SEC24D: variants seen among roughly 807,000 people sequenced by gnomAD.
SEC24D encodes the protein SEC24 homolog D, COPII component.
Under a neutral mutation model 116.9 loss-of-function variants are expected in SEC24D, and 69 were observed. That is an observed-to-expected ratio of 0.59 (90% CI 0.49 to 0.72). The LOEUF is 0.72. SEC24D is among the 30% of genes least tolerant of loss of function. The pLI is 0.00. For missense variants in SEC24D, 1,131 were observed against 1,264.1 expected (o/e 0.89, Z 1.60); for synonymous variants, 405 against 442.8 (o/e 0.91, Z 1.07).
At chr4:118,724,299 C>T (rs977242586) in intron 22 of SEC24D, among the ~76,000 whole-genome samples, 1 of 152,022 alleles carries the variant, frequency 6.6e-6, no homozygotes, top group Non-Finnish European at 1.5e-5. Flanking sequence ...AGGGAGAACT[C>T]CTGTCCTTTG....
chr4:118,748,501 T>C (rs1453641858), intron 13 of SEC24D, among the ~76,000 whole-genome samples: 2 of 152,176 alleles, frequency 1.3e-5, no homozygotes, highest in African/African-American at 4.8e-5. Flanking sequence ...AATTTATGTT[T>C]TCACCAAAGC....
intron 8 of SEC24D, among the ~76,000 whole-genome samples, chr4:118,793,423 C>T (rs11098449): frequency 0.26 from 37,582 of 144,330 alleles, 6,033 homozygotes; most frequent in East Asian, 0.45. Flanking sequence ...GCCGAGATCC[C>T]GCCACTGCAC....
In SEC24D at chr4:118,745,062, T is replaced by TAAAAAA; in HGVS notation, c.1708-8_1708-3dup. The TAAAAAA allele has an allele frequency of 8.1e-7, 1 of 1,233,794 alleles. No homozygotes were observed. The highest frequency in any genetic ancestry group is 1.1e-6 in the Non-Finnish European group (1 of 907,908). 76.4% of individuals were successfully genotyped at this position (1,233,794 alleles called of 1,614,324 possible). On this transcript the variant is annotated splice_region_variant and splice_polypyrimidine_tract_variant and intron_variant, in intron 13 of 22. Transcript: ENST00000280551. ...CAGCTTCCCAGGACAGTCTGCTGCC[T>TAAAAAA]AAAAAAAAAAAAAAACCCAAAAACC...
intron 8 of SEC24D, among the ~76,000 whole-genome samples, chr4:118,776,285 G>A (rs892151379): frequency 2.6e-5 from 4 of 152,046 alleles, no homozygotes; most frequent in Admixed American, 6.6e-5. Context: ...TAGGAGATTC[G>A]TCTCTTGGAA....
At chr4:118,821,190 C>T (rs1730386575) in intron 3 of SEC24D, among the ~76,000 whole-genome samples, 1 of 152,118 alleles carries the variant, frequency 6.6e-6, no homozygotes, top group African/African-American at 2.4e-5. Flanking sequence ...GAAGAAAAAA[C>T]AACTACTTCT....
At chr4:118,815,790 A>C in intron 4 of SEC24D, 64 bp from the exon 5 acceptor site, 1 of 1,532,572 alleles carries the variant, frequency 6.5e-7, no homozygotes, top group Non-Finnish European at 8.9e-7. Context: ...ACTTCTGCAA[A>C]GTACATGACA....
At chr4:118,725,435 G>A (rs1307992472) in intron 22 of SEC24D, among the ~76,000 whole-genome samples, 1 of 152,160 alleles carries the variant, frequency 6.6e-6, no homozygotes, top group African/African-American at 2.4e-5. Flanking sequence ...TCCATGATTG[G>A]TAGGGGCAGT....
At chr4:118,809,200 C>T in intron 6 of SEC24D, among the ~76,000 whole-genome samples, 1 of 151,974 alleles carries the variant, frequency 6.6e-6, no homozygotes, top group Non-Finnish European at 1.5e-5. Flanking sequence ...TCTCGATCTC[C>T]TGACCTCGTG....
At chr4:118,813,399 G>C (rs1730002175) in intron 6 of SEC24D, among the ~76,000 whole-genome samples, 1 of 152,212 alleles carries the variant, frequency 6.6e-6, no homozygotes, top group Non-Finnish European at 1.5e-5. Context: ...ATTTCTTATA[G>C]CTATGGAGGC....
At position 118,821,521 on chromosome 4, in the gene SEC24D, T is replaced by A. The variant is rs192188913; in HGVS notation, c.248+3099A>T. Among the ~76,000 whole-genome samples, 125 of 152,122 alleles carry A rather than the reference T, an allele frequency of 8.2e-4. No homozygotes were observed. In the East Asian group the frequency reaches 0.021, roughly 25 times the overall value. ...AAATAACTAGGTATGATTTTTAAAT[T>A]TTATAAAACATTATATTTAAAAAGC... is the stretch of plus-strand genomic sequence containing the variant. On this transcript the variant is annotated intron_variant, in intron 3 of 22. Coordinates refer to ENST00000280551, the MANE Select transcript of SEC24D (RefSeq NM_014822.4).
rs1275154344 is a variant in SEC24D at position 118,734,812 on chromosome 4, A to G, written c.2497-1900T>C. Among the ~76,000 whole-genome samples the G allele has an allele frequency of 2.0e-5, 3 of 152,296 alleles. No homozygotes were observed. In the East Asian group the frequency reaches 5.8e-4, roughly 29 times the overall value. ...TCATAAGAGTAGAACACTCTCTTCT[A>G]ATTTTTTCTCTAGCATAATATATCT... On this transcript the variant is annotated intron_variant, in intron 19 of 22. Coordinates refer to ENST00000280551, the MANE Select transcript of SEC24D (RefSeq NM_014822.4).
intron 8 of SEC24D, among the ~76,000 whole-genome samples, chr4:118,790,787 G>A (rs545208747): frequency 6.6e-6 from 1 of 150,898 alleles, no homozygotes; most frequent in East Asian, 1.9e-4. Context: ...TCAAACAATG[G>A]AACCAATTTT....
intron 7 of SEC24D, among the ~76,000 whole-genome samples, chr4:118,800,701 G>A (rs73842253): frequency 0.065 from 9,889 of 152,130 alleles, 377 homozygotes; most frequent in African/African-American, 0.094. Flanking sequence ...AGACTGTTAC[G>A]TGTAAACTCA....
intron 10 of SEC24D, among the ~76,000 whole-genome samples, chr4:118,759,342 A>G (rs1005435401): frequency 6.6e-6 from 1 of 152,136 alleles, no homozygotes; most frequent in African/African-American, 2.4e-5. Flanking sequence ...TTCTTTAACA[A>G]TGTTTCGGCC....
chr4:118,814,483 T>A (rs1319384331), intron 6 of SEC24D, among the ~76,000 whole-genome samples: 1 of 152,218 alleles, frequency 6.6e-6, no homozygotes, highest in Non-Finnish European at 1.5e-5. Flanking sequence ...TGGGGATTGT[T>A]TGCTATGCAG....
chr4:118,829,681 G>C (rs1369392074), intron 2 of SEC24D, among the ~76,000 whole-genome samples: 2 of 152,022 alleles, frequency 1.3e-5, no homozygotes, highest in South Asian at 2.1e-4. Flanking sequence ...GTGTGGTGGC[G>C]CATGCCTGTA....
intron 19 of SEC24D, 84 bp downstream of exon 19, chr4:118,738,177 A>G (rs1378420296): frequency 3.3e-6 from 3 of 913,254 alleles, no homozygotes; most frequent in Admixed American, 3.8e-5. Flanking sequence ...TGCCTGCAAC[A>G]TCATAAGCCT....
chr4:118,810,088 G>A (rs1037344679), intron 6 of SEC24D, among the ~76,000 whole-genome samples: 4 of 116,496 alleles, frequency 3.4e-5, no homozygotes. Flanking sequence ...GTGTGTGTGT[G>A]TGTGTGTGTG....
At chr4:118,731,929 G>A (rs1578375971) in intron 20 of SEC24D, among the ~76,000 whole-genome samples, 1 of 151,932 alleles carries the variant, frequency 6.6e-6, no homozygotes, top group African/African-American at 2.4e-5. Context: ...GGAAAAGCTA[G>A]TGCACTGGTC....
Sources: gnomAD v4.1 joint callset for allele counts (sites outside exome capture counted in the v4.1 genomes callset) on GRCh38, gnomAD v4.1.1 for gene constraint, MANE v1.5 for transcripts, NCBI Gene and HGNC (gene_info 2026-07-23, HGNC 2026-07-21) for gene names.